UGT1A4: variants seen among roughly 807,000 people sequenced by gnomAD.
UGT1A4 encodes the protein UDP-glucuronosyltransferase 1A4.
Under a neutral mutation model 41.1 loss-of-function variants are expected in UGT1A4, and 32 were observed. The observed-to-expected ratio is 0.78, with a 90% CI of 0.59 to 1.05. The LOEUF (loss-of-function observed/expected upper bound fraction) is 1.05, where lower values mean the gene tolerates loss of function less well. Among genes scored for constraint, UGT1A4 ranks in the 50% least tolerant of loss-of-function variants. The pLI, the probability that UGT1A4 is intolerant of heterozygous loss-of-function variation, is 0.00. For missense variants in UGT1A4, 748 were observed against 677.4 expected, an observed-to-expected ratio of 1.10 and a Z score of -1.16; for synonymous variants, 283 against 265.1, an observed-to-expected ratio of 1.07 and a Z score of -0.66.
intron 1 of UGT1A4, chr2:233,743,933 G>T (rs1319527828): frequency 7.4e-7 from 1 of 1,357,046 alleles, no homozygotes; most frequent in African/African-American, 1.5e-5. Context: ...TGGCCAGAAC[G>T]GCCCACCAGG....
chr2:233,755,233 A>G (rs958383354), intron 1 of UGT1A4: 16 of 920,004 alleles, frequency 1.7e-5, no homozygotes, highest in Admixed American at 5.9e-5. Context: ...GACGAGGCCT[A>G]CCGGGGTACT....
intron 1 of UGT1A4, among the ~76,000 whole-genome samples, chr2:233,751,294 T>C (rs985259482): frequency 6.6e-6 from 1 of 151,990 alleles, no homozygotes; most frequent in African/African-American, 2.4e-5. Flanking sequence ...CCATTTGGAA[T>C]GGGAATATTT....
At chr2:233,735,488 T>C (rs1165192610) in intron 1 of UGT1A4, among the ~76,000 whole-genome samples, 1 of 152,208 alleles carries the variant, frequency 6.6e-6, no homozygotes, top group African/African-American at 2.4e-5. Flanking sequence ...TGTTTTTTAA[T>C]TGCAGCATTT....
chr2:233,719,820 C>G, intron 1 of UGT1A4, 133 bp downstream of exon 1: 1 of 1,571,826 alleles, frequency 6.4e-7, no homozygotes, highest in Non-Finnish European at 8.6e-7. Context: ...AACAGATAAA[C>G]TGTTGAGGGG....
intron 1 of UGT1A4, among the ~76,000 whole-genome samples, chr2:233,735,843 T>C (rs1217610969): frequency 2.0e-5 from 3 of 152,092 alleles, no homozygotes; most frequent in South Asian, 2.1e-4. Flanking sequence ...TGGCCCCCAC[T>C]CTCTTCTGTC....
At chr2:233,771,408 T>C (rs1454905857) in intron 4 of UGT1A4, 2 of 152,208 alleles carry the variant, frequency 1.3e-5, no homozygotes, top group Non-Finnish European at 2.9e-5. Context: ...ATGAACACTG[T>C]CCAGAATAAA....
chr2:233,757,231 AGTG>A (rs1225021845), intron 1 of UGT1A4, among the ~76,000 whole-genome samples: 2 of 127,510 alleles, frequency 1.6e-5, no homozygotes, highest in African/African-American at 6.0e-5. Flanking sequence ...AGGTTCCAGA[AGTG>A]GTGGTGAGGT....
chr2:233,769,464 CGTGT>C lies in UGT1A4; in HGVS notation c.1307+1037_1307+1040del, dbSNP rs145239529. ...GGGTGCACACGTGTGCATTCATATG[CGTGT>C]GTGTGTGTGTGCGTGTGTTTATGAG... On this transcript the variant is annotated intron_variant, in intron 4 of 4. Coordinates refer to ENST00000373409, the MANE Select transcript of UGT1A4 (RefSeq NM_007120.3). This position sits in a 1 kb window ranked among gnomAD's most constrained non-coding sequence, Gnocchi z 4.4. The C allele has an allele frequency of 5.3e-6, 8 of 1,502,902 alleles. No individual in the cohort carries two copies. The highest frequency in any genetic ancestry group is 6.4e-6 in the Non-Finnish European group (7 of 1,095,102). The allele number at this position is 1,502,902 out of a possible 1,614,324, so 93.1% of individuals were successfully genotyped here.
At chr2:233,747,194 T>C in intron 1 of UGT1A4, 2 of 1,604,420 alleles carry the variant, frequency 1.2e-6, no homozygotes, top group Non-Finnish European at 1.7e-6. Context: ...GACAGTCAGC[T>C]GTCCGTGTCT....
intron 1 of UGT1A4, among the ~76,000 whole-genome samples, chr2:233,733,971 G>T (rs927832512): frequency 6.6e-6 from 1 of 152,028 alleles, no homozygotes; most frequent in East Asian, 1.9e-4. Flanking sequence ...TAGGGGGAGC[G>T]GGGAGGGATA....
chr2:233,758,756 G>A (rs1321245048), intron 1 of UGT1A4, among the ~76,000 whole-genome samples: 1 of 152,198 alleles, frequency 6.6e-6, no homozygotes, highest in Non-Finnish European at 1.5e-5. Context: ...GGCCAGTGAT[G>A]TGTATGGTTC....
At chr2:233,758,431 A>C (rs1696879671) in intron 1 of UGT1A4, among the ~76,000 whole-genome samples, 1 of 152,228 alleles carries the variant, frequency 6.6e-6, no homozygotes, top group Admixed American at 6.5e-5. Context: ...ATGAACTCAC[A>C]CAGCATTGGG....
chr2:233,734,123 A>ATAAT (rs1384319848), intron 1 of UGT1A4, among the ~76,000 whole-genome samples: 1 of 151,918 alleles, frequency 6.6e-6, no homozygotes, highest in Non-Finnish European at 1.5e-5. Context: ...AATAATAATA[A>ATAAT]AAAGAATTTG....
chr2:233,760,356 G>A (rs1414123680), intron 1 of UGT1A4: 1 of 1,613,940 alleles, frequency 6.2e-7, no homozygotes, highest in Non-Finnish European at 8.5e-7. Context: ...TGGGCCCAGT[G>A]GTGTCCCATG....
rs1379096490 is a variant in UGT1A4 at position 233,719,774 on chromosome 2, C to T, written c.867+87C>T. ...TTACTTACAAGTGCTTCCATATCTA[C>T]TTATCTTTCCAAAGATTTTATTTTG... On this transcript the variant is annotated intron_variant, in intron 1 of 4. Coordinates refer to ENST00000373409, the MANE Select transcript of UGT1A4 (RefSeq NM_007120.3). 23 of 1,611,342 alleles carry T rather than the reference C, an allele frequency of 1.4e-5. No individual in the cohort carries two copies. The Admixed American group carries it at 3.8e-4, about 27-fold the overall frequency.
chr2:233,740,036 G>C (rs901292924), intron 1 of UGT1A4, among the ~76,000 whole-genome samples: 3 of 151,764 alleles, frequency 2.0e-5, no homozygotes, highest in Admixed American at 2.0e-4. Context: ...GGTTTTATAA[G>C]GGACTCTTTC....
chr2:233,767,851 C>G lies in UGT1A4; in HGVS notation c.1002C>G (p.Val334=), dbSNP rs752058783. 1 of 1,614,170 alleles carries G rather than the reference C, an allele frequency of 6.2e-7. No individual in the cohort carries two copies. Among genetic ancestry groups the G allele is most frequent in the Non-Finnish European group, 8.5e-7 (1 of 1,180,036 alleles). ...ADALGKIPQT[V]LWRYTGTRPS... Reference sequence around the variant, plus strand: ...TCTGCTCTTTTTGCCCCTCCCAGGTCCTGTGGCGGTACACTGGAACCCGAC... The same window carrying G: ...TCTGCTCTTTTTGCCCCTCCCAGGTGCTGTGGCGGTACACTGGAACCCGAC... The change falls in exon 3 of 5, where the codon GTC becomes GTG. Residue 334 remains valine (V), a splice_region_variant and synonymous_variant. Transcript: ENST00000373409.
At chr2:233,767,212 G>T (rs377453564) in intron 2 of UGT1A4, 47 bp downstream of exon 2, 3 of 1,612,180 alleles carry the variant, frequency 1.9e-6, no homozygotes, top group Admixed American at 3.3e-5. Flanking sequence ...TCACAGGAGC[G>T]CTAATCCCAG....
intron 1 of UGT1A4, chr2:233,752,621 T>A (rs1428833052): frequency 3.3e-5 from 5 of 152,162 alleles, no homozygotes; most frequent in Admixed American, 3.3e-4. Context: ...TAGCTAGGTG[T>A]GGTAGCTGTT....
Sources: allele counts gnomAD v4.1 joint callset (sites outside exome capture counted in the v4.1 genomes callset), GRCh38; gene constraint gnomAD v4.1.1; non-coding constraint Gnocchi (gnomAD v3.1); transcripts MANE v1.5; gene names NCBI Gene and HGNC (gene_info 2026-07-23, HGNC 2026-07-21).